BRINP3: variants seen among roughly 807,000 people sequenced by gnomAD.
BRINP3 encodes BMP/retinoic acid inducible neural specific 3.
Under a neutral mutation model 71.0 loss-of-function variants are expected in BRINP3, and 19 were observed. The ratio of observed to expected loss-of-function variants is 0.27; its 90% CI spans 0.19 to 0.39. BRINP3 has a LOEUF of 0.39. Among genes scored for constraint, BRINP3 ranks in the 10% least tolerant of loss-of-function variants. BRINP3 has a pLI of 1.00. For synonymous variants in BRINP3, 380 were observed against 337.7 expected (o/e 1.13, Z -1.37); for missense variants, 959 against 940.8 (o/e 1.02, Z -0.25).
chr1:190,366,187 T>A (rs1355875678), intron 2 of BRINP3, among the ~76,000 whole-genome samples: 1 of 152,144 alleles, frequency 6.6e-6, no homozygotes, highest in Non-Finnish European at 1.5e-5. Flanking sequence ...GAGTAATTTA[T>A]AAACGAAAGA....
chr1:190,313,819 C>A (rs1267607538), intron 2 of BRINP3, among the ~76,000 whole-genome samples: 1 of 151,948 alleles, frequency 6.6e-6, no homozygotes, highest in Non-Finnish European at 1.5e-5. Context: ...ATTGACCTGA[C>A]CTTGGTGCTT....
At position 190,299,691 on chromosome 1, in the gene BRINP3, G is replaced by A. The variant is rs1337417523; in HGVS notation, c.237-17941C>T. Among the ~76,000 whole-genome samples, 4 of 149,524 alleles carry A rather than the reference G, an allele frequency of 2.7e-5. No individual in the cohort carries two copies. The Admixed American group carries it at 2.7e-4, about 10-fold the overall frequency. On this transcript the variant is annotated intron_variant, in intron 2 of 7. Coordinates refer to ENST00000367462, the MANE Select transcript of BRINP3 (RefSeq NM_199051.3). ...GAGTGAGAATATGCCACCGCATATT[G>A]TTGTTCCTTTCCATGTTTAGCGCTT...
intron 2 of BRINP3, among the ~76,000 whole-genome samples, chr1:190,300,613 C>G (rs935110215): frequency 6.6e-6 from 1 of 152,074 alleles, no homozygotes; most frequent in Non-Finnish European, 1.5e-5. Flanking sequence ...AAGTGGGTAC[C>G]TGACCTCTGA....
intron 2 of BRINP3, among the ~76,000 whole-genome samples, chr1:190,346,500 A>G (rs931536829): frequency 6.6e-6 from 1 of 151,954 alleles, no homozygotes; most frequent in Non-Finnish European, 1.5e-5. Context: ...TTTTAAAAAA[A>G]CTCTTAGGTC....
chr1:190,295,784 A>G (rs1181180578), intron 2 of BRINP3, among the ~76,000 whole-genome samples: 2 of 151,954 alleles, frequency 1.3e-5, no homozygotes, highest in Non-Finnish European at 2.9e-5. Flanking sequence ...CTCCCCAAGC[A>G]GCCAGTTTCT....
intron 7 of BRINP3, among the ~76,000 whole-genome samples, chr1:190,108,632 T>A (rs1203847466): frequency 6.7e-6 from 1 of 149,036 alleles, no homozygotes; most frequent in Non-Finnish European, 1.5e-5. Flanking sequence ...TATGGCCACA[T>A]TATTTTCCAG....
chr1:190,438,470 T>A (rs1674612080), intron 2 of BRINP3, among the ~76,000 whole-genome samples: 1 of 144,724 alleles, frequency 6.9e-6, no homozygotes. Context: ...TTCAAAAAAA[T>A]TAACTTCCTG....
intron 1 of BRINP3, among the ~76,000 whole-genome samples, chr1:190,462,502 G>A (rs1328692678): frequency 6.6e-6 from 1 of 152,084 alleles, no homozygotes; most frequent in Non-Finnish European, 1.5e-5. Flanking sequence ...TGAATAGCCT[G>A]TTCCTCTCCA....
chr1:190,271,739 C>T (rs941585188), intron 3 of BRINP3, among the ~76,000 whole-genome samples: 9 of 151,526 alleles, frequency 5.9e-5, no homozygotes, highest in African/African-American at 2.2e-4. Flanking sequence ...CGCATTTCTA[C>T]ATATGTCTTT....
intron 3 of BRINP3, among the ~76,000 whole-genome samples, chr1:190,265,485 A>G (rs1482102156): frequency 1.3e-5 from 2 of 151,336 alleles, no homozygotes; most frequent in Admixed American, 6.6e-5. Context: ...GCGGATCATG[A>G]GGGCAGGAGA....
chr1:190,250,989 G>A (rs780989625), intron 4 of BRINP3, among the ~76,000 whole-genome samples: 11 of 151,768 alleles, frequency 7.2e-5, no homozygotes, highest in Non-Finnish European at 1.3e-4. Context: ...GGTGAAGATG[G>A]GAGGATCTCT....
chr1:190,296,930 C>T (rs961820567), intron 2 of BRINP3, among the ~76,000 whole-genome samples: 2 of 151,744 alleles, frequency 1.3e-5, no homozygotes, highest in African/African-American at 2.4e-5. Flanking sequence ...AAAAATTATC[C>T]AATGTTTATG....
At chr1:190,285,420 C>T (rs1049890568) in intron 2 of BRINP3, among the ~76,000 whole-genome samples, 43 of 152,072 alleles carry the variant, frequency 2.8e-4, no homozygotes, top group African/African-American at 1.0e-3. Flanking sequence ...CACATATATC[C>T]CTAACGCTTA....
At chr1:190,291,813 G>A (rs1025227999) in intron 2 of BRINP3, among the ~76,000 whole-genome samples, 14 of 152,166 alleles carry the variant, frequency 9.2e-5, no homozygotes, top group South Asian at 4.1e-4. Context: ...GTATATATAC[G>A]TATTTATATG....
At chr1:190,350,604 C>T (rs1452145857) in intron 2 of BRINP3, among the ~76,000 whole-genome samples, 2 of 152,064 alleles carry the variant, frequency 1.3e-5, no homozygotes. Context: ...TTTTTCAAAC[C>T]ACTGTGAAAT....
At chr1:190,246,100 C>CT (rs1481155128) in intron 4 of BRINP3, among the ~76,000 whole-genome samples, 17 of 138,366 alleles carry the variant, frequency 1.2e-4, no homozygotes, top group Non-Finnish European at 2.2e-4. Flanking sequence ...ATGTTTTATC[C>CT]TTGGGTATAT....
intron 2 of BRINP3, among the ~76,000 whole-genome samples, chr1:190,436,146 T>C (rs1291246277): frequency 6.6e-6 from 1 of 151,962 alleles, no homozygotes; most frequent in Non-Finnish European, 1.5e-5. Context: ...GCTTATTTCA[T>C]GTTTCTAGGA....
At chr1:190,133,827 CTACATATAT>C (rs1654747294) in intron 7 of BRINP3, among the ~76,000 whole-genome samples, 1 of 151,896 alleles carries the variant, frequency 6.6e-6, no homozygotes, top group East Asian at 1.9e-4. Context: ...AAAGGGCAAA[CTACATATAT>C]TCATAAAATG....
chr1:190,437,532 C>A (rs1674543149), intron 2 of BRINP3, among the ~76,000 whole-genome samples: 1 of 151,746 alleles, frequency 6.6e-6, no homozygotes, highest in South Asian at 2.1e-4. Context: ...CATAAAACTT[C>A]AATTAATGTT....
Sources: allele counts gnomAD v4.1 joint callset (sites outside exome capture counted in the v4.1 genomes callset), GRCh38; gene constraint gnomAD v4.1.1; transcripts MANE v1.5; gene names NCBI Gene and HGNC (gene_info 2026-07-23, HGNC 2026-07-21).